RASGRF1: variants seen among roughly 807,000 people sequenced by gnomAD.
The protein encoded by RASGRF1 is ras-specific guanine nucleotide-releasing factor 1.
RASGRF1 carries 40 observed loss-of-function variants against 138.7 expected under a neutral mutation model. The ratio of observed to expected loss-of-function variants is 0.29; its 90% CI spans 0.22 to 0.38. The LOEUF is 0.38. RASGRF1 is among the 10% of genes least tolerant of loss of function. The probability of loss-of-function intolerance (pLI) is 1.00; values close to 1 mark genes in which losing one functional copy is unlikely to be tolerated. For missense variants in RASGRF1, 1,108 were observed against 1,650.4 expected (o/e 0.67, Z 5.69); for synonymous variants, 614 against 663.2 (o/e 0.93, Z 1.14).
intron 1 of RASGRF1, among the ~76,000 whole-genome samples, chr15:79,084,067 C>T (rs1432709027): frequency 6.6e-6 from 1 of 152,190 alleles, no homozygotes; most frequent in Admixed American, 6.5e-5. Context: ...AAGATAAAAT[C>T]TCATGTGGAA....
chr15:78,996,737 CGTGTGT>C (rs71768027), intron 19 of RASGRF1, among the ~76,000 whole-genome samples: 5 of 147,332 alleles, frequency 3.4e-5, no homozygotes, highest in African/African-American at 1.0e-4. Flanking sequence ...TGTGTGTGTG[CGTGTGT>C]GTGTGTGTGG....
Position 79,046,603 on chromosome 15 carries a change from G to T in RASGRF1, c.878+143C>A. ...CAATTATTGGGGTTGGTGGTTTCTA[G>T]CCACGTGATCTTGGGCACTTCTGTC... is the stretch of plus-strand genomic sequence containing the variant. On this transcript the variant is annotated intron_variant, in intron 5 of 26. Transcript: ENST00000558480. The surrounding 1 kb of genome is among the most constrained non-coding windows in gnomAD (Gnocchi z 5.3). The T allele has an allele frequency of 7.3e-7, 1 of 1,367,042 alleles. No individual in the cohort carries two copies. Among genetic ancestry groups the T allele is most frequent in the Non-Finnish European group, 1.0e-6 (1 of 997,474 alleles). The allele number at this position is 1,367,042 out of a possible 1,614,324, so 84.7% of individuals were successfully genotyped here.
intron 26 of RASGRF1, among the ~76,000 whole-genome samples, chr15:78,970,621 C>CAAAAAAAAAAAAA (rs55689628): frequency 4.3e-4 from 25 of 57,860 alleles, no homozygotes; most frequent in South Asian, 6.5e-4. Flanking sequence ...GACTCTGTCT[C>CAAAAAAAAAAAAA]AAAAAAAAAA....
At position 79,081,009 on chromosome 15, in the gene RASGRF1, G is replaced by A. The variant is rs1257515051; in HGVS notation, c.276+9214C>T. 1.3e-5 allele frequency among the ~76,000 whole-genome samples: 2 copies of A among 152,246 alleles called. 1 individual carries two copies. The highest frequency in any genetic ancestry group is 4.8e-5 in the African/African-American group (2 of 41,460). The stretch of plus-strand genomic sequence containing the variant: ...TATGTAGAACCACAGTAACTGCAGG[G>A]TCACTGTGGTGGTTAAATGAAATGC... On this transcript the variant is annotated intron_variant, in intron 1 of 26. Coordinates refer to ENST00000558480, the MANE Select transcript of RASGRF1 (RefSeq NM_001145648.3).
chr15:79,015,586 G>A (rs990094726), intron 12 of RASGRF1, among the ~76,000 whole-genome samples, 177 bp from the exon 13 acceptor site: 3 of 152,202 alleles, frequency 2.0e-5, no homozygotes, highest in South Asian at 2.1e-4. Context: ...GACTTTGGCC[G>A]GAAGTCAAGT....
intron 5 of RASGRF1, among the ~76,000 whole-genome samples, chr15:79,040,924 T>C (rs1567563265): frequency 6.6e-6 from 1 of 152,236 alleles, no homozygotes; most frequent in South Asian, 2.1e-4. Context: ...CACATAGTGA[T>C]TGAGTACCTA....
At chr15:78,978,224 T>TCTTTTC (rs61477683) in intron 24 of RASGRF1, among the ~76,000 whole-genome samples, 2 of 29,264 alleles carry the variant, frequency 6.8e-5, no homozygotes, top group Non-Finnish European at 1.6e-4. Flanking sequence ...TCTTTTGTTT[T>TCTTTTC]TTTTTTTTTT....
In RASGRF1 at chr15:79,006,554, A is replaced by G; in HGVS notation, c.1827-120T>C. 1 of 1,259,306 alleles carries G rather than the reference A, an allele frequency of 7.9e-7. No homozygotes were observed. The highest frequency in any genetic ancestry group is 1.1e-6 in the Non-Finnish European group (1 of 925,408). The allele number at this position is 1,259,306 out of a possible 1,614,324, so 78.0% of individuals were successfully genotyped here. On this transcript the variant is annotated intron_variant, in intron 13 of 26. Transcript: ENST00000558480. This position sits in a 1 kb window ranked among gnomAD's most constrained non-coding sequence, Gnocchi z 4.0. ...GACAACACAGGATGGTCTTATTAAG[A>G]GAACAAGCTTGGGAAGGATGACACT...
intron 13 of RASGRF1, among the ~76,000 whole-genome samples, chr15:79,012,119 T>C (rs753963819): frequency 6.6e-6 from 1 of 152,198 alleles, no homozygotes; most frequent in Admixed American, 6.5e-5. Flanking sequence ...TCTGGTAGTG[T>C]ACCTGGAGGC....
At position 79,032,960 on chromosome 15, in the gene RASGRF1, C is replaced by T. The variant is rs115373962; in HGVS notation, c.959-644G>A. Among the ~76,000 whole-genome samples the T allele has an allele frequency of 4.8e-3, 726 of 152,302 alleles. 3 individuals are homozygous for T. The highest frequency in any genetic ancestry group is 0.017 in the African/African-American group (698 of 41,558). Reference sequence around the variant, plus strand: ...TGAGGTCACAGGGCAAGTCAGCAGCCGGCCTGGGGCTGGGTCTCCTGACCT... The same window carrying T: ...TGAGGTCACAGGGCAAGTCAGCAGCTGGCCTGGGGCTGGGTCTCCTGACCT... On this transcript the variant is annotated intron_variant, in intron 6 of 26. Coordinates refer to ENST00000558480, the MANE Select transcript of RASGRF1 (RefSeq NM_001145648.3). The surrounding 1 kb of genome is among the most constrained non-coding windows in gnomAD (Gnocchi z 4.5).
At chr15:79,001,067 G>T (rs2056511773) in intron 16 of RASGRF1, among the ~76,000 whole-genome samples, 1 of 152,222 alleles carries the variant, frequency 6.6e-6, no homozygotes, top group Admixed American at 6.5e-5. Context: ...GAAAACCGGA[G>T]ACCAAGACTG....
intron 5 of RASGRF1, among the ~76,000 whole-genome samples, chr15:79,042,328 T>A (rs1474197473): frequency 1.3e-5 from 2 of 152,214 alleles, no homozygotes; most frequent in South Asian, 2.1e-4. Context: ...CAGCTACATA[T>A]GAAAAAGCTT....
intron 9 of RASGRF1, among the ~76,000 whole-genome samples, chr15:79,026,944 C>T (rs900505004): frequency 3.3e-5 from 5 of 152,096 alleles, no homozygotes; most frequent in African/African-American, 1.2e-4. Flanking sequence ...GACAAAACTC[C>T]GAAAAGGTGA....
Position 79,058,475 on chromosome 15 carries a change from C to T in RASGRF1, c.390G>A (p.Arg130=). 2 of 1,614,134 alleles carry T rather than the reference C, an allele frequency of 1.2e-6. No individual in the cohort carries two copies. Among genetic ancestry groups the T allele is most frequent in the East Asian group, 4.5e-5 (2 of 44,878 alleles). The part of the protein sequence containing the change: ...WVAAIAHASY[R]TLATEHEALM... ...ATGCCTCATGCTCTGTGGCGAGGGT[C>T]CTGTAGCTGTGGACAGATGGACATG... is the stretch of plus-strand genomic sequence containing the variant. Residue 130 remains arginine (R), a synonymous_variant, in exon 3 of 27, where the codon AGG becomes AGA. Transcript: ENST00000558480.
intron 8 of RASGRF1, among the ~76,000 whole-genome samples, chr15:79,030,945 C>G (rs1012444710): frequency 1.3e-5 from 2 of 152,204 alleles, no homozygotes; most frequent in African/African-American, 4.8e-5. Context: ...AGGACAGGGG[C>G]ACTAGATTGG....
At chr15:78,982,168 A>C (rs943141046) in intron 23 of RASGRF1, among the ~76,000 whole-genome samples, 1 of 152,196 alleles carries the variant, frequency 6.6e-6, no homozygotes, top group South Asian at 2.1e-4. Flanking sequence ...CCCTAAGGCA[A>C]TACTAGCTCA....
intron 24 of RASGRF1, 68 bp downstream of exon 24, chr15:78,980,552 A>C: frequency 7.7e-7 from 1 of 1,303,452 alleles, no homozygotes; most frequent in East Asian, 2.4e-5. Flanking sequence ...TGGGGGCGGC[A>C]CGTGAATGCC....
chr15:79,071,413 A>G (rs180887614), intron 1 of RASGRF1, among the ~76,000 whole-genome samples: 82 of 147,884 alleles, frequency 5.5e-4, no homozygotes, highest in African/African-American at 1.9e-3. Context: ...AGGCTGGAGT[A>G]CAGTGGCACA....
chr15:78,976,353 G>T (rs1416715399), intron 24 of RASGRF1, among the ~76,000 whole-genome samples: 1 of 152,066 alleles, frequency 6.6e-6, no homozygotes, highest in East Asian at 1.9e-4. Context: ...TGGGCCACAC[G>T]TAAAATACAC....
Sources: gnomAD v4.1 joint callset for allele counts (sites outside exome capture counted in the v4.1 genomes callset) on GRCh38, gnomAD v4.1.1 for gene constraint, Gnocchi (gnomAD v3.1) non-coding constraint, MANE v1.5 for transcripts, NCBI Gene and HGNC (gene_info 2026-07-23, HGNC 2026-07-21) for gene names.